Variants in ACSS3 observed in about 807,000 individuals in gnomAD.
The protein encoded by ACSS3 is acyl-CoA synthetase short chain family member 3.
A neutral mutation model predicts 84.2 loss-of-function variants in ACSS3; 64 were observed. The ratio of observed to expected loss-of-function variants is 0.76; its 90% confidence interval spans 0.62 to 0.94. The LOEUF (loss-of-function observed/expected upper bound fraction) is 0.94, where lower values mean the gene tolerates loss of function less well. ACSS3 is among the 40% of genes least tolerant of loss of function. The pLI, the probability that ACSS3 is intolerant of heterozygous loss-of-function variation, is 0.00. For missense variants in ACSS3, 815 were observed against 867.6 expected (o/e 0.94, Z 0.76); for synonymous variants, 317 against 310.1 (o/e 1.02, Z -0.23).
intron 8 of ACSS3, among the ~76,000 whole-genome samples, chr12:81,181,227 C>T (rs1755504112): frequency 6.6e-6 from 1 of 150,734 alleles, no homozygotes; most frequent in South Asian, 2.1e-4. Context: ...ATCAATATCA[C>T]TGCCACAAAA....
intron 2 of ACSS3, among the ~76,000 whole-genome samples, chr12:81,134,560 A>G (rs548991330): frequency 3.9e-5 from 6 of 152,280 alleles, no homozygotes; most frequent in African/African-American, 1.4e-4. Flanking sequence ...ATGTTGTGAC[A>G]TGAATGGTTA....
At chr12:81,202,241 T>C (rs1044689715) in intron 9 of ACSS3, among the ~76,000 whole-genome samples, 6 of 151,902 alleles carry the variant, frequency 3.9e-5, no homozygotes, top group Non-Finnish European at 8.8e-5. Context: ...ATCGCACCAC[T>C]GCACTCCAGC....
chr12:81,139,302 A>G (rs769975442), intron 4 of ACSS3, 37 bp downstream of exon 4: 2 of 1,600,200 alleles, frequency 1.2e-6, no homozygotes, highest in Non-Finnish European at 1.7e-6. Context: ...TGCTTATGGT[A>G]ATATGCTAAG....
chr12:81,093,586 A>C, intron 1 of ACSS3, among the ~76,000 whole-genome samples: 1 of 151,214 alleles, frequency 6.6e-6, no homozygotes. Context: ...TTGCTATATT[A>C]GGTATAGTTC....
intron 1 of ACSS3, among the ~76,000 whole-genome samples, chr12:81,082,660 G>T (rs577168102): frequency 6.6e-6 from 1 of 152,300 alleles, no homozygotes; most frequent in Non-Finnish European, 1.5e-5. Flanking sequence ...TTTGAGTTAT[G>T]TTAAGGATTT....
chr12:81,256,817 A>G lies in ACSS3; in HGVS notation c.*1895A>G, dbSNP rs970247733. The G allele has an allele frequency of 1.3e-5, 2 of 152,096 alleles. No homozygotes were observed. The highest frequency in any genetic ancestry group is 4.8e-5 in the African/African-American group (2 of 41,426). The allele number at this position is 152,096 out of a possible 1,614,324, so 9.4% of individuals were successfully genotyped here. A position where few individuals can be genotyped will look rare whatever the true frequency, so the allele number is the denominator to read the frequency against. On this transcript the variant is annotated 3_prime_UTR_variant, in exon 16 of 16. Coordinates refer to ENST00000548058, the MANE Select transcript of ACSS3 (RefSeq NM_024560.4). ...TACACCTGGAAAAATATATTCATCT[A>G]CTTTTTCCTTTTAATTATGTTAGTA...
chr12:81,195,973 G>A (rs971653093), intron 8 of ACSS3, among the ~76,000 whole-genome samples: 12 of 152,110 alleles, frequency 7.9e-5, no homozygotes, highest in Admixed American at 2.6e-4. Flanking sequence ...GTCCTATAAC[G>A]ATGCCTAATT....
intron 7 of ACSS3, among the ~76,000 whole-genome samples, chr12:81,167,195 T>A (rs1887442888): frequency 6.6e-6 from 1 of 152,186 alleles, no homozygotes; most frequent in South Asian, 2.1e-4. Context: ...AAAGGTAAAC[T>A]TTTTTTAAAG....
chr12:81,234,471 CAA>C (rs1031451491), intron 13 of ACSS3, among the ~76,000 whole-genome samples: 2 of 151,268 alleles, frequency 1.3e-5, no homozygotes, highest in Non-Finnish European at 3.0e-5. Flanking sequence ...GAGAAACCAC[CAA>C]AGAGTTTTCC....
chr12:81,112,684 G>A (rs1883703701), intron 2 of ACSS3, among the ~76,000 whole-genome samples: 1 of 152,126 alleles, frequency 6.6e-6, no homozygotes, highest in Non-Finnish European at 1.5e-5. Flanking sequence ...ATTCCCTGCG[G>A]CCTTTATTTT....
In ACSS3 at chr12:81,209,996, A is replaced by T. The variant is rs918535620; in HGVS notation, c.1355-6905A>T. On this transcript the variant is annotated intron_variant, in intron 9 of 15. Transcript: ENST00000548058. ...ATCTTTGTTTTGGTGAGTTTTGGCC[A>T]GCTGCTTTACCTCTTGCTGTTTTAT... is the stretch of plus-strand genomic sequence containing the variant. 3.9e-5 allele frequency among the ~76,000 whole-genome samples: 6 copies of T among 152,322 alleles called. No homozygotes were observed. The South Asian group carries it at 8.3e-4, about 21-fold the overall frequency.
At chr12:81,174,695 A>G in intron 7 of ACSS3, 93 bp from the exon 8 acceptor site, 1 of 1,289,802 alleles carries the variant, frequency 7.8e-7, no homozygotes. Context: ...ACCCCTTATT[A>G]TTAATATTGT....
rs183756954 is a variant in ACSS3, at chr12:81,245,227, C to T, written c.1720-8080C>T. ...CTGTAATCCCAGCACTATGGGAGGCCGAGATGGGTGGATCACGAGGTCAGG... is the reference window on the plus strand; with the variant it reads ...CTGTAATCCCAGCACTATGGGAGGCTGAGATGGGTGGATCACGAGGTCAGG... On this transcript the variant is annotated intron_variant, in intron 13 of 15. Coordinates refer to ENST00000548058, the MANE Select transcript of ACSS3 (RefSeq NM_024560.4). Among the ~76,000 whole-genome samples the T allele has an allele frequency of 3.7e-3, 561 of 152,176 alleles. 4 individuals are homozygous for T. The highest frequency in any genetic ancestry group is 0.013 in the African/African-American group (521 of 41,524).
At chr12:81,098,159 T>A (rs1341291457) in intron 1 of ACSS3, among the ~76,000 whole-genome samples, 1 of 146,622 alleles carries the variant, frequency 6.8e-6, no homozygotes, top group African/African-American at 2.5e-5. Context: ...AGAGTGTGTG[T>A]GTGTGTGTGT....
At chr12:81,184,929 C>T (rs1238922272) in intron 8 of ACSS3, among the ~76,000 whole-genome samples, 1 of 151,656 alleles carries the variant, frequency 6.6e-6, no homozygotes, top group Non-Finnish European at 1.5e-5. Flanking sequence ...AAAGATATCA[C>T]AAGAAAACTA....
intron 2 of ACSS3, among the ~76,000 whole-genome samples, chr12:81,114,272 A>G (rs1279432991): frequency 6.6e-6 from 1 of 152,118 alleles, no homozygotes; most frequent in Non-Finnish European, 1.5e-5. Context: ...TTGAAACATA[A>G]CTATGGCAGT....
intron 8 of ACSS3, among the ~76,000 whole-genome samples, chr12:81,185,692 TG>T (rs1387568348): frequency 5.9e-5 from 9 of 151,700 alleles, no homozygotes; most frequent in Admixed American, 5.9e-4. Context: ...AAAATATTGA[TG>T]AAAGAAATTG....
At chr12:81,183,052 C>G (rs2031041890) in intron 8 of ACSS3, among the ~76,000 whole-genome samples, 1 of 152,050 alleles carries the variant, frequency 6.6e-6, no homozygotes, top group Non-Finnish European at 1.5e-5. Flanking sequence ...TAGAAAGAAG[C>G]CAAAATAACA....
intron 2 of ACSS3, among the ~76,000 whole-genome samples, chr12:81,115,169 C>T (rs932808082): frequency 6.6e-6 from 1 of 152,046 alleles, no homozygotes; most frequent in African/African-American, 2.4e-5. Context: ...AATATTTATG[C>T]ATTTGTGTTG....
Sources: gnomAD v4.1 joint callset for allele counts (sites outside exome capture counted in the v4.1 genomes callset) on GRCh38, gnomAD v4.1.1 for gene constraint, MANE v1.5 for transcripts, NCBI Gene and HGNC (gene_info 2026-07-23, HGNC 2026-07-21) for gene names.